The following EPHA4 variants were observed in gnomAD, a reference collection of about 807,000 sequenced individuals.
EPHA4 encodes ephrin type-A receptor 4.
In EPHA4, 19 loss-of-function variants were observed where a neutral mutation model predicts 108.3. The observed-to-expected ratio is 0.18, with a 90% CI of 0.12 to 0.26. The LOEUF is 0.26. Ranked by LOEUF, EPHA4 falls within the 10% of genes least tolerant of loss-of-function variation. The pLI, the probability that EPHA4 is intolerant of heterozygous loss-of-function variation, is 1.00. For synonymous variants in EPHA4, 449 were observed against 455.5 expected (o/e 0.99, Z 0.18); for missense variants, 917 against 1,254.0 (o/e 0.73, Z 4.06).
intron 8 of EPHA4, among the ~76,000 whole-genome samples, chr2:221,446,665 A>G (rs1478968285): frequency 1.3e-5 from 2 of 152,326 alleles, no homozygotes; most frequent in African/African-American, 4.8e-5. Context: ...TATTGCTATA[A>G]CCAGATAACT....
chr2:221,471,971 C>T (rs976997709), intron 5 of EPHA4, among the ~76,000 whole-genome samples: 1 of 152,092 alleles, frequency 6.6e-6, no homozygotes, highest in African/African-American at 2.4e-5. Flanking sequence ...CAAGGATTTC[C>T]AAGTCTCCTA....
intron 4 of EPHA4, among the ~76,000 whole-genome samples, chr2:221,487,685 C>T (rs11692482): frequency 0.42 from 63,443 of 151,898 alleles, 13,341 homozygotes; most frequent in East Asian, 0.53. Context: ...CTTTTAATGG[C>T]AACTACTTTT....
intron 8 of EPHA4, among the ~76,000 whole-genome samples, 165 bp from the exon 9 acceptor site, chr2:221,446,346 GGTAGTGA>G (rs1410036005): frequency 3.9e-5 from 6 of 151,924 alleles, no homozygotes; most frequent in African/African-American, 1.5e-4. Context: ...TTGTCACCTG[GGTAGTGA>G]GTCATGGTTT....
intron 3 of EPHA4, among the ~76,000 whole-genome samples, chr2:221,527,739 A>G (rs1325089037): frequency 6.6e-6 from 1 of 152,120 alleles, no homozygotes; most frequent in Non-Finnish European, 1.5e-5. Context: ...TATTTATCTC[A>G]CAATAGCCCG....
rs1163247652 is a variant in EPHA4, at chr2:221,433,876, TA to T, written c.2496+265del. 3.3e-5 allele frequency among the ~76,000 whole-genome samples: 5 copies of T among 152,358 alleles called. No homozygotes were observed. The South Asian group carries it at 1.0e-3, about 32-fold the overall frequency. On this transcript the variant is annotated intron_variant, in intron 14 of 17. Transcript: ENST00000281821. ...ACTCTGGTTTTGAAAGTTCACCAAGTAAAAATACTATCCCATATTTTTTATC... is the reference window on the plus strand; with the variant it reads ...ACTCTGGTTTTGAAAGTTCACCAAGTAAAATACTATCCCATATTTTTTATC...
At chr2:221,499,754 A>ATTTT (rs1260599474) in intron 4 of EPHA4, among the ~76,000 whole-genome samples, 17 of 34,850 alleles carry the variant, frequency 4.9e-4, no homozygotes, top group Non-Finnish European at 6.9e-4. Flanking sequence ...ATATATATAT[A>ATTTT]TATTTTTTTT....
chr2:221,446,015 TTATATTA>T lies in EPHA4; in HGVS notation c.1774+101_1774+107del, dbSNP rs780496145. On this transcript the variant is annotated intron_variant, in intron 9 of 17. Coordinates refer to ENST00000281821, the MANE Select transcript of EPHA4 (RefSeq NM_004438.5). ...ATTATTGGGATAAGGAATAAATATA[TTATATTA>T]TATAACATTAATAGCCACGTAAATA... The T allele has an allele frequency of 1.5e-4, 75 of 509,204 alleles. No homozygotes were observed. The Middle Eastern group carries it at 1.7e-3, about 12-fold the overall frequency. 31.5% of individuals were successfully genotyped at this position (509,204 alleles called of 1,614,324 possible).
intron 5 of EPHA4, 127 bp downstream of exon 5, chr2:221,482,225 A>T: frequency 9.8e-7 from 1 of 1,018,966 alleles, no homozygotes; most frequent in Non-Finnish European, 1.4e-6. Flanking sequence ...AGTATCTTTT[A>T]CATTATAACG....
In EPHA4 at chr2:221,436,448, C is replaced by A. The variant is rs543108757; in HGVS notation, c.2297G>T (p.Gly766Val). 1 of 1,614,120 alleles carries A rather than the reference C, an allele frequency of 6.2e-7. No homozygotes were observed. The highest frequency in any genetic ancestry group is 1.7e-5 in the Admixed American group (1 of 60,012). ...SNLVCKVSDF[G>V]MSRVLEDDPE... ...ATCATCCTCAAGCACTCGGGACATG[C>A]CAAAATCAGACACTTTGCAGACCAA... The change falls in exon 13 of 18, where the codon GGC becomes GTC. Residue 766 changes from glycine to valine, a missense_variant. Physicochemically the swap from Gly to Val is moderately radical, Grantham distance 109 (BLOSUM62 -3). Transcript: ENST00000281821.
At position 221,571,664 on chromosome 2, in the gene EPHA4, G is replaced by C. The variant is rs1278204127; in HGVS notation, c.91+494C>G. Among the ~76,000 whole-genome samples, 3 of 152,180 alleles carry C rather than the reference G, an allele frequency of 2.0e-5. No individual in the cohort carries two copies. The highest frequency in any genetic ancestry group is 4.4e-5 in the Non-Finnish European group (3 of 68,026). On this transcript the variant is annotated intron_variant, in intron 1 of 17. Coordinates refer to ENST00000281821, the MANE Select transcript of EPHA4 (RefSeq NM_004438.5). The surrounding 1 kb of genome is among the most constrained non-coding windows in gnomAD (Gnocchi z 6.3). Reference sequence around the variant, plus strand: ...GCCACGACCGCTGCGCTGCGGAGCAGGCCCCGCAGCCCGGTCCCGAGAAGC... The same window carrying C: ...GCCACGACCGCTGCGCTGCGGAGCACGCCCCGCAGCCCGGTCCCGAGAAGC...
At chr2:221,440,576 C>G (rs191048638) in intron 11 of EPHA4, among the ~76,000 whole-genome samples, 4 of 149,656 alleles carry the variant, frequency 2.7e-5, no homozygotes, top group African/African-American at 9.8e-5. Flanking sequence ...TCACCTTATG[C>G]GGAAAATTAT....
intron 3 of EPHA4, among the ~76,000 whole-genome samples, chr2:221,539,048 GA>G (rs1693755892): frequency 6.6e-6 from 1 of 152,088 alleles, no homozygotes. Context: ...AACTGAAGGG[GA>G]AAGTGGGGTC....
intron 5 of EPHA4, among the ~76,000 whole-genome samples, chr2:221,463,161 A>G (rs910555439): frequency 6.6e-5 from 10 of 152,212 alleles, no homozygotes; most frequent in African/African-American, 2.4e-4. Context: ...GAGCAGCATT[A>G]TTAGGAACAG....
rs141745548 is a variant in EPHA4 at position 221,512,267 on chromosome 2, G to A, written c.824-11095C>T. ...CATGTAAGAAAAAATCAAGAAAAGCGTATATTTTAGATGAACTAAATGTAG... is the reference window on the plus strand; with the variant it reads ...CATGTAAGAAAAAATCAAGAAAAGCATATATTTTAGATGAACTAAATGTAG... On this transcript the variant is annotated intron_variant, in intron 3 of 17. Transcript: ENST00000281821. Among the ~76,000 whole-genome samples the A allele has an allele frequency of 4.8e-3, 731 of 152,140 alleles. 3 individuals carry two copies. Among genetic ancestry groups the A allele is most frequent in the Non-Finnish European group, 7.8e-3 (531 of 67,982 alleles).
chr2:221,534,371 G>A (rs1693602822), intron 3 of EPHA4, among the ~76,000 whole-genome samples: 1 of 152,126 alleles, frequency 6.6e-6, no homozygotes, highest in African/African-American at 2.4e-5. Flanking sequence ...TCCATATCCA[G>A]TACTGCCCTA....
intron 3 of EPHA4, among the ~76,000 whole-genome samples, chr2:221,538,786 CA>C (rs1439897164): frequency 6.6e-6 from 1 of 152,156 alleles, no homozygotes; most frequent in Non-Finnish European, 1.5e-5. Context: ...GAGTATGCTT[CA>C]AAAATCAATG....
intron 3 of EPHA4, among the ~76,000 whole-genome samples, chr2:221,561,204 T>G (rs954642273): frequency 1.3e-5 from 2 of 152,110 alleles, no homozygotes; most frequent in Non-Finnish European, 2.9e-5. Flanking sequence ...ATCGCGCCAC[T>G]GCACTCCAGC....
intron 3 of EPHA4, among the ~76,000 whole-genome samples, chr2:221,546,450 A>C (rs1305545617): frequency 4.0e-5 from 6 of 151,534 alleles, no homozygotes; most frequent in Non-Finnish European, 5.9e-5. Context: ...TTTCTTTTTT[A>C]TTTTTATCAG....
chr2:221,564,439 T>C lies in EPHA4; in HGVS notation c.160-45A>G, dbSNP rs554204382. 22 of 1,553,928 alleles carry C rather than the reference T, an allele frequency of 1.4e-5. No homozygotes were observed. In the South Asian group the frequency reaches 2.4e-4, roughly 17 times the overall value. ...ATGTATCAACTACAAAGTTTCATCATGCAGTGATTTGTCAATCCCATTTTA... is the reference window on the plus strand; with the variant it reads ...ATGTATCAACTACAAAGTTTCATCACGCAGTGATTTGTCAATCCCATTTTA... On this transcript the variant is annotated intron_variant, in intron 2 of 17. Transcript: ENST00000281821.
Sources: allele counts gnomAD v4.1 joint callset (sites outside exome capture counted in the v4.1 genomes callset), GRCh38; gene constraint gnomAD v4.1.1; non-coding constraint Gnocchi (gnomAD v3.1); transcripts MANE v1.5; gene names NCBI Gene and HGNC (gene_info 2026-07-23, HGNC 2026-07-21).